KIAA1217: variants seen among roughly 807,000 people sequenced by gnomAD.
The protein encoded by KIAA1217 is KIAA1217, also known as sickle tail protein homolog.
A neutral mutation model predicts 163.9 loss-of-function variants in KIAA1217; 88 were observed. The ratio of observed to expected loss-of-function variants is 0.54; its 90% confidence interval spans 0.45 to 0.64. The LOEUF (loss-of-function observed/expected upper bound fraction) is 0.64, where lower values mean the gene tolerates loss of function less well. Among genes scored for constraint, KIAA1217 ranks in the 30% least tolerant of loss-of-function variants. The pLI is 0.00. For missense variants in KIAA1217, 2,372 were observed against 2,475.0 expected (o/e 0.96, Z 0.88); for synonymous variants, 903 against 923.1 (o/e 0.98, Z 0.39).
At chr10:23,781,303 AT>A (rs1300612968) in intron 1 of KIAA1217, among the ~76,000 whole-genome samples, 1 of 152,150 alleles carries the variant, frequency 6.6e-6, no homozygotes, top group East Asian at 1.9e-4. Context: ...GATAATAGCC[AT>A]ACTAATAAGT....
chr10:24,177,373 A>G (rs2065960924), intron 2 of KIAA1217, among the ~76,000 whole-genome samples: 2 of 145,654 alleles, frequency 1.4e-5, no homozygotes, highest in South Asian at 4.3e-4. Flanking sequence ...ATATATATAT[A>G]TATATATGTG....
intron 16 of KIAA1217, among the ~76,000 whole-genome samples, chr10:24,533,740 T>A (rs1432184688): frequency 6.6e-6 from 1 of 152,234 alleles, no homozygotes; most frequent in Non-Finnish European, 1.5e-5. Flanking sequence ...TCAGATATTC[T>A]GAAAAGCTGA....
chr10:24,181,232 G>T lies in KIAA1217; in HGVS notation c.-170-38394G>T, dbSNP rs141010239. On this transcript the variant is annotated intron_variant, in intron 2 of 18. Transcript: ENST00000376462. ...GATGTAAAGACCTGTGGAAATATCT[G>T]AGAGGGGAACCTAATCTGGCAAGTG... Among the ~76,000 whole-genome samples, 6 of 152,330 alleles carry T rather than the reference G, an allele frequency of 3.9e-5. No homozygotes were observed. In the East Asian group the frequency reaches 1.2e-3, roughly 29 times the overall value.
intron 14 of KIAA1217, 69 bp downstream of exon 14, chr10:24,528,188 G>A (rs1035237213): frequency 2.3e-6 from 3 of 1,287,138 alleles, no homozygotes; most frequent in African/African-American, 2.9e-5. Flanking sequence ...TGCCATCCAC[G>A]ACAGCACATA....
chr10:24,411,959 A>T (rs576246209), intron 3 of KIAA1217, among the ~76,000 whole-genome samples: 1 of 152,226 alleles, frequency 6.6e-6, no homozygotes, highest in South Asian at 2.1e-4. Context: ...CAGAGGTAAC[A>T]TCCAACTCGT....
At chr10:24,382,994 C>T (rs747458277) in intron 3 of KIAA1217, among the ~76,000 whole-genome samples, 3 of 151,980 alleles carry the variant, frequency 2.0e-5, no homozygotes, top group Non-Finnish European at 4.4e-5. Context: ...ACTACAGGCA[C>T]GCACCCAGGC....
chr10:24,231,474 T>C (rs1039059196), intron 2 of KIAA1217, among the ~76,000 whole-genome samples: 1 of 152,126 alleles, frequency 6.6e-6, no homozygotes, highest in Non-Finnish European at 1.5e-5. Flanking sequence ...GAATTTACAA[T>C]ATTGTATGTG....
intron 2 of KIAA1217, among the ~76,000 whole-genome samples, chr10:24,181,607 T>C (rs993580454): frequency 6.6e-6 from 1 of 152,188 alleles, no homozygotes; most frequent in Non-Finnish European, 1.5e-5. Context: ...ATTCAGATTA[T>C]TTCAGTTCTA....
intron 3 of KIAA1217, among the ~76,000 whole-genome samples, chr10:24,424,084 T>A (rs953498226): frequency 7.3e-5 from 11 of 151,372 alleles, no homozygotes; most frequent in Non-Finnish European, 1.0e-4. Flanking sequence ...TTTTTTTTTT[T>A]AAATCCAGAC....
intron 2 of KIAA1217, among the ~76,000 whole-genome samples, chr10:24,233,000 C>G (rs2071666354): frequency 1.3e-5 from 2 of 148,388 alleles, no homozygotes; most frequent in African/African-American, 5.0e-5. Flanking sequence ...TGGTGTACAC[C>G]TACAGTCCCA....
chr10:24,038,489 C>T (rs1178237450), intron 2 of KIAA1217, among the ~76,000 whole-genome samples: 1 of 152,174 alleles, frequency 6.6e-6, no homozygotes. Flanking sequence ...TGTTCTCGGG[C>T]AGGTTCCCCA....
rs145904803 is a variant in KIAA1217, at chr10:24,199,660, A to G, written c.-170-19966A>G. Among the ~76,000 whole-genome samples the G allele has an allele frequency of 1.2e-4, 19 of 152,354 alleles. No individual in the cohort carries two copies. The East Asian group carries it at 3.5e-3, about 28-fold the overall frequency. ...TGGCAATTTTTAACTATGGAATTGA[A>G]ACCTTTGAAAAGATAAGACAAAGCT... is the stretch of plus-strand genomic sequence containing the variant. On this transcript the variant is annotated intron_variant, in intron 2 of 18. Transcript: ENST00000376462.
chr10:24,425,882 G>A (rs2059130980), intron 3 of KIAA1217, among the ~76,000 whole-genome samples: 1 of 152,162 alleles, frequency 6.6e-6, no homozygotes, highest in Non-Finnish European at 1.5e-5. Context: ...TCCCTTGTCA[G>A]CACTATTTAT....
chr10:23,833,736 G>A (rs557704179), intron 1 of KIAA1217, among the ~76,000 whole-genome samples: 1 of 151,554 alleles, frequency 6.6e-6, no homozygotes, highest in Non-Finnish European at 1.5e-5. Flanking sequence ...ATAATTCTTG[G>A]AAATTCTTAC....
intron 3 of KIAA1217, among the ~76,000 whole-genome samples, chr10:24,423,968 A>G (rs2058973050): frequency 6.6e-6 from 1 of 152,216 alleles, no homozygotes; most frequent in Non-Finnish European, 1.5e-5. Flanking sequence ...AAGTGAAATA[A>G]AAAAATAATT....
In KIAA1217 at chr10:23,734,554, G is replaced by A. The variant is rs950131390; in HGVS notation, c.-321+39320G>A. Among the ~76,000 whole-genome samples the A allele has an allele frequency of 2.0e-5, 3 of 152,000 alleles. 1 individual carries two copies. The highest frequency in any genetic ancestry group is 7.3e-5 in the African/African-American group (3 of 41,372). On this transcript the variant is annotated intron_variant, in intron 1 of 18. Coordinates refer to the KIAA1217 transcript ENST00000376462. ...TCCACCTGCCTTGGCCTCCGAGAAT[G>A]CTGGGATTACAGGCATAAGCCACTG...
intron 1 of KIAA1217, among the ~76,000 whole-genome samples, chr10:23,772,643 T>C (rs1201118223): frequency 3.3e-5 from 5 of 152,186 alleles, no homozygotes; most frequent in Non-Finnish European, 7.4e-5. Flanking sequence ...TTATACGATG[T>C]CATGCTGTTC....
intron 1 of KIAA1217, among the ~76,000 whole-genome samples, chr10:23,898,243 G>C (rs1339896515): frequency 6.6e-6 from 1 of 151,584 alleles, no homozygotes; most frequent in Admixed American, 6.6e-5. Context: ...TCTCAATTCT[G>C]ATATTCAGAC....
At chr10:24,165,826 C>G (rs1432284257) in intron 2 of KIAA1217, among the ~76,000 whole-genome samples, 2 of 152,086 alleles carry the variant, frequency 1.3e-5, no homozygotes, top group Non-Finnish European at 2.9e-5. Context: ...CTAACTAGAG[C>G]AGAAAAAAAG....
Sources: gnomAD v4.1 joint callset for allele counts (sites outside exome capture counted in the v4.1 genomes callset) on GRCh38, gnomAD v4.1.1 for gene constraint, MANE v1.5 for transcripts, NCBI Gene and HGNC (gene_info 2026-07-23, HGNC 2026-07-21) for gene names.